UNC5D: variants seen among roughly 807,000 people sequenced by gnomAD.
UNC5D encodes netrin receptor UNC5D.
A neutral mutation model predicts 105.4 loss-of-function variants in UNC5D; 39 were observed. The observed-to-expected ratio is 0.37, with a 90% CI of 0.29 to 0.48. The LOEUF is 0.48. Ranked by LOEUF, UNC5D falls within the 20% of genes least tolerant of loss-of-function variation. The probability of loss-of-function intolerance (pLI) is 0.98; values close to 1 mark genes in which losing one functional copy is unlikely to be tolerated. For synonymous variants in UNC5D, 452 were observed against 450.4 expected (o/e 1.00, Z -0.04); for missense variants, 991 against 1,202.4 (o/e 0.82, Z 2.60).
At chr8:35,525,381 T>C in intron 1 of UNC5D, 1 of 1,612,180 alleles carries the variant, frequency 6.2e-7, no homozygotes, top group Non-Finnish European at 8.5e-7. Flanking sequence ...TTCTTGCCAT[T>C]TACAGTCTTT....
At chr8:35,338,054 A>G (rs941390716) in intron 1 of UNC5D, among the ~76,000 whole-genome samples, 1 of 152,218 alleles carries the variant, frequency 6.6e-6, no homozygotes, top group East Asian at 1.9e-4. Flanking sequence ...AAGGAACTCA[A>G]AATGAAGCCT....
chr8:35,593,990 C>G (rs1187729348), intron 3 of UNC5D, among the ~76,000 whole-genome samples: 1 of 152,196 alleles, frequency 6.6e-6, no homozygotes, highest in East Asian at 1.9e-4. Context: ...AGAACCTTCA[C>G]AGTTTTGTTA....
intron 1 of UNC5D, among the ~76,000 whole-genome samples, chr8:35,518,850 TC>T (rs1813280647): frequency 6.8e-6 from 1 of 147,918 alleles, no homozygotes; most frequent in Non-Finnish European, 1.5e-5. Flanking sequence ...ATTTAACTCA[TC>T]TTAGAAATTC....
At position 35,726,317 on chromosome 8, in the gene UNC5D, T is replaced by C. The variant is rs759652756; in HGVS notation, c.1469T>C (p.Met490Thr). The change falls in exon 10 of 17, where the codon ATG becomes ACG. Residue 490 changes from methionine to threonine, a missense_variant. Physicochemically the swap from Met to Thr is moderately conservative, Grantham distance 81 (BLOSUM62 -1). Around this residue, in one of 3 missense-constraint regions of UNC5D, gnomAD observed 944 missense variants for 1,131.6 expected, o/e 0.83. Coordinates refer to ENST00000404895, the MANE Select transcript of UNC5D (RefSeq NM_080872.4). ...AAAGTGAAAGTCCAGAGCTCGTTCATGGTTTCCCTGGGAGTGTCTGAGAGA... is the reference window on the plus strand; with the variant it reads ...AAAGTGAAAGTCCAGAGCTCGTTCACGGTTTCCCTGGGAGTGTCTGAGAGA... ...DIKVKVQSSFMVSLGVSERAE... is the reference protein window; with the variant it reads ...DIKVKVQSSFTVSLGVSERAE... 7 of 1,614,134 alleles carry C rather than the reference T, an allele frequency of 4.3e-6. No individual in the cohort carries two copies. The highest frequency in any genetic ancestry group is 5.9e-6 in the Non-Finnish European group (7 of 1,180,002).
At chr8:35,647,735 G>A (rs1823144958) in intron 4 of UNC5D, among the ~76,000 whole-genome samples, 1 of 152,088 alleles carries the variant, frequency 6.6e-6, no homozygotes, top group South Asian at 2.1e-4. Context: ...AGCACTTCCT[G>A]GTTAATTATA....
At chr8:35,685,122 C>A (rs997111934) in intron 6 of UNC5D, among the ~76,000 whole-genome samples, 2 of 152,140 alleles carry the variant, frequency 1.3e-5, no homozygotes, top group African/African-American at 4.8e-5. Context: ...GATAAGTTGT[C>A]TTAAAGCACA....
intron 1 of UNC5D, among the ~76,000 whole-genome samples, chr8:35,346,183 T>G (rs566278922): frequency 1.3e-5 from 2 of 152,144 alleles, no homozygotes; most frequent in East Asian, 3.9e-4. Flanking sequence ...GTATCATGAT[T>G]ATTTAAACAG....
At chr8:35,338,091 T>C (rs1037411108) in intron 1 of UNC5D, among the ~76,000 whole-genome samples, 1 of 152,196 alleles carries the variant, frequency 6.6e-6, no homozygotes, top group African/African-American at 2.4e-5. Context: ...TGGTTGTCTA[T>C]AACGTCTGTG....
chr8:35,766,106 C>T (rs1402495527), intron 14 of UNC5D, among the ~76,000 whole-genome samples: 5 of 152,128 alleles, frequency 3.3e-5, no homozygotes, highest in African/African-American at 9.7e-5. Flanking sequence ...TTTCCCTCCT[C>T]ATTTACTAAA....
In UNC5D at chr8:35,774,364, C is replaced by T; in HGVS notation, c.2544C>T (p.Pro848=). The change falls in exon 16 of 17, where the codon CCC becomes CCT. Residue 848 remains proline, a synonymous_variant. Transcript: ENST00000404895. ...GCACTTTCCCTGCACAGACTGGCCC[C>T]AAAGCCTTCAAAATTCCCTACTCCA... ...EDSTFPAQTG[P]KAFKIPYSIR... is the part of the protein sequence containing the mutation. The T allele has an allele frequency of 6.2e-7, 1 of 1,614,108 alleles. No individual in the cohort carries two copies. Among genetic ancestry groups the T allele is most frequent in the South Asian group, 1.1e-5 (1 of 91,076 alleles).
At chr8:35,479,156 A>G (rs77458689) in intron 1 of UNC5D, among the ~76,000 whole-genome samples, 1,580 of 152,290 alleles carry the variant, frequency 0.01, 37 homozygotes, top group African/African-American at 0.036. Flanking sequence ...GTGGAAACAC[A>G]TAGAACAAGT....
intron 1 of UNC5D, among the ~76,000 whole-genome samples, chr8:35,347,066 AG>A (rs1367874665): frequency 1.3e-5 from 2 of 152,062 alleles, no homozygotes; most frequent in East Asian, 3.9e-4. Flanking sequence ...AATATAAGGG[AG>A]GGGTGCTCAC....
chr8:35,559,442 G>A (rs1207621577), intron 2 of UNC5D, among the ~76,000 whole-genome samples: 1 of 152,182 alleles, frequency 6.6e-6, no homozygotes, highest in Non-Finnish European at 1.5e-5. Context: ...TTTGAGAACT[G>A]TGTCAAATTC....
intron 4 of UNC5D, among the ~76,000 whole-genome samples, chr8:35,614,235 C>T (rs1407537164): frequency 1.3e-5 from 2 of 152,110 alleles, no homozygotes; most frequent in African/African-American, 4.8e-5. Flanking sequence ...TGGCATAAAA[C>T]CCAGGAGAGA....
intron 1 of UNC5D, among the ~76,000 whole-genome samples, chr8:35,398,596 G>A (rs1049009460): frequency 1.3e-5 from 2 of 150,652 alleles, no homozygotes; most frequent in Non-Finnish European, 3.0e-5. Context: ...CCCCCACATT[G>A]AAGTTGTATT....
chr8:35,581,544 G>A (rs1818469744), intron 3 of UNC5D, among the ~76,000 whole-genome samples: 1 of 152,104 alleles, frequency 6.6e-6, no homozygotes, highest in Non-Finnish European at 1.5e-5. Flanking sequence ...GTATTTGATA[G>A]CATAACAATG....
At chr8:35,331,022 T>G (rs1377514790) in intron 1 of UNC5D, among the ~76,000 whole-genome samples, 1 of 152,130 alleles carries the variant, frequency 6.6e-6, no homozygotes, top group Non-Finnish European at 1.5e-5. Flanking sequence ...TGGTTTGTTG[T>G]TTGCTAAGCT....
At chr8:35,707,362 C>T (rs530347489) in intron 8 of UNC5D, among the ~76,000 whole-genome samples, 1 of 152,066 alleles carries the variant, frequency 6.6e-6, no homozygotes, top group Non-Finnish European at 1.5e-5. Context: ...TGTCTGCTGC[C>T]CATTAAAAAA....
intron 1 of UNC5D, among the ~76,000 whole-genome samples, chr8:35,252,456 GT>G (rs1803772170): frequency 2.0e-5 from 3 of 152,018 alleles, no homozygotes; most frequent in Admixed American, 2.0e-4. Context: ...AAATATGTGT[GT>G]ACTCCTAAAC....
Sources: gnomAD v4.1 joint callset for allele counts (sites outside exome capture counted in the v4.1 genomes callset) on GRCh38, gnomAD v4.1.1 for gene constraint, gnomAD v4.1.1 regional missense constraint, MANE v1.5 for transcripts, NCBI Gene and HGNC (gene_info 2026-07-23, HGNC 2026-07-21) for gene names.